The following CPM variants were observed in gnomAD, a reference collection of about 807,000 sequenced individuals.
CPM encodes carboxypeptidase M, also known as renal carboxypeptidase.
CPM carries 35 observed loss-of-function variants against 46.4 expected under a neutral mutation model. The observed-to-expected ratio is 0.75, with a 90% CI of 0.58 to 1.00. CPM has a LOEUF of 1.00. Among genes scored for constraint, CPM ranks in the 50% least tolerant of loss-of-function variants. The pLI is 0.00. For synonymous variants in CPM, 195 were observed against 195.3 expected (o/e 1.00, Z 0.01); for missense variants, 422 against 530.4 (o/e 0.80, Z 2.01).
chr12:68,897,403 C>T (rs925363125), intron 2 of CPM, among the ~76,000 whole-genome samples: 18 of 151,726 alleles, frequency 1.2e-4, no homozygotes, highest in African/African-American at 3.9e-4. Context: ...AGAGGTCAAA[C>T]ATAACCAGAT....
At chr12:68,950,486 C>T (rs1245021479) in intron 1 of CPM, among the ~76,000 whole-genome samples, 1 of 151,924 alleles carries the variant, frequency 6.6e-6, no homozygotes, top group Non-Finnish European at 1.5e-5. Context: ...AATTTTTTTC[C>T]CAGCATGGTT....
intron 1 of CPM, among the ~76,000 whole-genome samples, chr12:68,954,322 G>C (rs1417808844): frequency 6.6e-6 from 1 of 152,136 alleles, no homozygotes; most frequent in Non-Finnish European, 1.5e-5. Context: ...CCATCTCTCT[G>C]AAACTGCCCT....
intron 5 of CPM, chr12:68,842,951 A>C (rs1883917829): frequency 4.7e-6 from 1 of 210,718 alleles, no homozygotes; most frequent in Non-Finnish European, 9.6e-6. Flanking sequence ...TTTGCCTGAA[A>C]TAACTGACAC....
chr12:68,883,892 C>T (rs377040437), intron 3 of CPM, among the ~76,000 whole-genome samples: 8 of 147,970 alleles, frequency 5.4e-5, no homozygotes, highest in East Asian at 4.0e-4. Context: ...GTCAGGGGTT[C>T]GAGACCAGCT....
At chr12:68,929,890 C>G (rs1433180385) in intron 2 of CPM, among the ~76,000 whole-genome samples, 1 of 152,058 alleles carries the variant, frequency 6.6e-6, no homozygotes, top group Non-Finnish European at 1.5e-5. Flanking sequence ...ATATAATCCA[C>G]AATTACAACA....
rs184534165 is a variant in CPM, at chr12:68,866,330, G to T, written c.940+566C>A. ...AAAATTAGGGGGACTCTGGATGTTT[G>T]TTTGTTTGTTTGTTTGTTTTTGAGA... On this transcript the variant is annotated intron_variant, in intron 7 of 8. Coordinates refer to ENST00000551568, the MANE Select transcript of CPM (RefSeq NM_198320.5). Among the ~76,000 whole-genome samples the T allele has an allele frequency of 7.2e-5, 11 of 152,144 alleles. No individual in the cohort carries two copies. In the East Asian group the frequency reaches 2.1e-3, roughly 29 times the overall value.
At position 68,925,635 on chromosome 12, in the gene CPM, G is replaced by A. The variant is rs140158327; in HGVS notation, c.160+7043C>T. Among the ~76,000 whole-genome samples, 10 of 152,300 alleles carry A rather than the reference G, an allele frequency of 6.6e-5. No homozygotes were observed. The East Asian group carries it at 1.9e-3, about 29-fold the overall frequency. On this transcript the variant is annotated intron_variant, in intron 2 of 8. Transcript: ENST00000551568. Reference sequence around the variant, plus strand: ...AAAATAAGATATTTGACTCAGGGGGGTAAAAAGGCTCAAAACTGTGTAGTA... The same window carrying A: ...AAAATAAGATATTTGACTCAGGGGGATAAAAAGGCTCAAAACTGTGTAGTA...
intron 2 of CPM, among the ~76,000 whole-genome samples, chr12:68,902,894 C>G (rs372583210): frequency 1.3e-5 from 2 of 152,188 alleles, no homozygotes; most frequent in African/African-American, 4.8e-5. Context: ...CATCTCACTT[C>G]CCAAATAAAG....
In CPM at chr12:68,871,936, C is replaced by T. The variant is rs765214841; in HGVS notation, c.279G>A (p.Leu93=). 3.7e-6 allele frequency: 6 copies of T among 1,614,070 alleles called. No homozygotes were observed. Among genetic ancestry groups the T allele is most frequent in the Non-Finnish European group, 2.5e-6 (3 of 1,180,014 alleles). The change falls in exon 4 of 9, where the codon CTG becomes CTA. Residue 93 remains leucine (L), a synonymous_variant. Coordinates refer to ENST00000551568, the MANE Select transcript of CPM (RefSeq NM_198320.5). ...HGDETVGREL[L]LHLIDYLVTS... is the part of the protein sequence containing the mutation. ...TTACGAGATAGTCAATCAGATGGAG[C>T]AGCAGCTCCCGCCCAACAGTCTATA...
rs1279937389 is a variant in CPM at position 68,885,813 on chromosome 12, C to T, written c.237G>A (p.Val79=). ...HRIGIPEFKY[V]ANMHGDETVG... ...GTACCTCATCTCCATGCATATTTGC[C>T]ACGTATTTGAACTCTGGAATCCCAA... Residue 79 remains valine, a synonymous_variant, in exon 3 of 9, where the codon GTG becomes GTA. Transcript: ENST00000551568. 4 of 1,613,992 alleles carry T rather than the reference C, an allele frequency of 2.5e-6. No homozygotes were observed. In the Admixed American group the frequency reaches 6.7e-5, roughly 27 times the overall value.
chr12:68,933,585 G>A (rs1200625705), upstream of CPM, among the ~76,000 whole-genome samples: 1 of 152,014 alleles, frequency 6.6e-6, no homozygotes, highest in Non-Finnish European at 1.5e-5. Flanking sequence ...GCGGTGCCGG[G>A]GCCCACCTGG....
chr12:68,888,395 A>C (rs773059892), intron 2 of CPM, among the ~76,000 whole-genome samples: 13 of 152,222 alleles, frequency 8.5e-5, no homozygotes, highest in Non-Finnish European at 1.6e-4. Context: ...CTGCAAGATA[A>C]GAATCTTACC....
At chr12:68,843,491 A>C (rs1883986803) in intron 5 of CPM, 2 of 223,424 alleles carry the variant, frequency 9.0e-6, no homozygotes, top group East Asian at 6.4e-5. Context: ...AGTATCTCTC[A>C]AACTGTGGAT....
intron 3 of CPM, among the ~76,000 whole-genome samples, chr12:68,883,428 C>G (rs948857255): frequency 6.6e-6 from 1 of 152,182 alleles, no homozygotes; most frequent in Admixed American, 6.5e-5. Flanking sequence ...AAATTTCTTA[C>G]TAGCCCCATA....
chr12:68,921,514 C>T (rs1429748762), intron 2 of CPM, among the ~76,000 whole-genome samples: 1 of 152,042 alleles, frequency 6.6e-6, no homozygotes, highest in African/African-American at 2.4e-5. Context: ...TTTCTTATTA[C>T]ATGTTTGGTC....
At chr12:68,924,064 C>A (rs897102643) in intron 2 of CPM, among the ~76,000 whole-genome samples, 2 of 150,162 alleles carry the variant, frequency 1.3e-5, no homozygotes, top group African/African-American at 4.9e-5. Flanking sequence ...AATCCTAGAG[C>A]TACGGGAGGC....
intron 3 of CPM, among the ~76,000 whole-genome samples, chr12:68,883,485 G>A (rs141261797): frequency 6.7e-4 from 102 of 152,248 alleles, no homozygotes; most frequent in African/African-American, 2.3e-3. Flanking sequence ...GGGGGTAAAA[G>A]TGCTTCAGAT....
chr12:68,892,894 C>T (rs557006622), intron 2 of CPM, among the ~76,000 whole-genome samples: 3 of 152,050 alleles, frequency 2.0e-5, no homozygotes, highest in South Asian at 4.2e-4. Flanking sequence ...CACGTTCTCA[C>T]TCATAAGTGG....
chr12:68,891,182 G>A (rs1006180715), intron 2 of CPM, among the ~76,000 whole-genome samples: 1 of 152,152 alleles, frequency 6.6e-6, no homozygotes, highest in Non-Finnish European at 1.5e-5. Context: ...TCAATTTCAC[G>A]TATGCACATT....
Sources: gnomAD v4.1 joint callset for allele counts (sites outside exome capture counted in the v4.1 genomes callset) on GRCh38, gnomAD v4.1.1 for gene constraint, MANE v1.5 for transcripts, NCBI Gene and HGNC (gene_info 2026-07-23, HGNC 2026-07-21) for gene names.